The following SIPA1L2 variants were observed in gnomAD, a reference collection of about 807,000 sequenced individuals.
The protein encoded by SIPA1L2 is signal-induced proliferation-associated 1-like protein 2.
Under a neutral mutation model 163.9 loss-of-function variants are expected in SIPA1L2, and 56 were observed. That is an observed-to-expected ratio of 0.34 (90% CI 0.28 to 0.43). The LOEUF is 0.43. Among genes scored for constraint, SIPA1L2 ranks in the 20% least tolerant of loss-of-function variants. The probability of loss-of-function intolerance (pLI) is 1.00; values close to 1 mark genes in which losing one functional copy is unlikely to be tolerated. For synonymous variants in SIPA1L2, 877 were observed against 865.7 expected (o/e 1.01, Z -0.23); for missense variants, 1,974 against 2,193.5 (o/e 0.90, Z 2.00).
intron 1 of SIPA1L2, among the ~76,000 whole-genome samples, chr1:232,597,410 G>A (rs533136860): frequency 2.2e-4 from 33 of 151,944 alleles, no homozygotes; most frequent in African/African-American, 7.7e-4. Context: ...GGGCGCGGTG[G>A]CTCACACCTG....
rs185370532 is a variant in SIPA1L2, at chr1:232,541,934, A to T, written c.-269-26326T>A. ...ATGTTAAATCTTGGGCTGAGCCTTA[A>T]ATCTCTCTCTCTCTCTCTCTCTGTA... On this transcript the variant is annotated intron_variant, in intron 2 of 22. Coordinates refer to ENST00000674635, the MANE Select transcript of SIPA1L2 (RefSeq NM_020808.5). Among the ~76,000 whole-genome samples the T allele has an allele frequency of 6.4e-3, 581 of 90,672 alleles. 4 individuals are homozygous for T. Among genetic ancestry groups the T allele is most frequent in the African/African-American group, 0.028 (504 of 17,908 alleles). 59.5% of individuals were successfully genotyped at this position (90,672 alleles called of 152,430 possible). A position where few individuals can be genotyped will look rare whatever the true frequency, so the allele number is the denominator to read the frequency against.
chr1:232,480,109 G>A (rs57653635), intron 6 of SIPA1L2, among the ~76,000 whole-genome samples: 1,600 of 152,044 alleles, frequency 0.011, 31 homozygotes, highest in African/African-American at 0.037. Flanking sequence ...TCTGAAGGGC[G>A]TGACAAACTG....
intron 18 of SIPA1L2, among the ~76,000 whole-genome samples, chr1:232,418,174 C>A (rs1005090242): frequency 1.2e-4 from 19 of 152,082 alleles, no homozygotes; most frequent in Non-Finnish European, 2.8e-4. Context: ...GACCACTATA[C>A]AACAAGATCC....
At chr1:232,478,683 C>T (rs1665166255) in intron 7 of SIPA1L2, among the ~76,000 whole-genome samples, 1 of 152,118 alleles carries the variant, frequency 6.6e-6, no homozygotes, top group African/African-American at 2.4e-5. Flanking sequence ...TGAAAACAAA[C>T]TTTAACTCTG....
Position 232,566,482 on chromosome 1 carries a change from G to T in SIPA1L2, c.-270+7692C>A, listed in dbSNP as rs141764575. ...AAGCCCTGCTGGATTTCAGATTCAT[G>T]AACTAAGAGTGGTATTCGTCGCTTT... is the stretch of plus-strand genomic sequence containing the variant. On this transcript the variant is annotated intron_variant, in intron 2 of 22. Coordinates refer to ENST00000674635, the MANE Select transcript of SIPA1L2 (RefSeq NM_020808.5). Among the ~76,000 whole-genome samples, 380 of 152,348 alleles carry T rather than the reference G, an allele frequency of 2.5e-3. 3 individuals are homozygous for T. The highest frequency in any genetic ancestry group is 9.0e-3 in the African/African-American group (373 of 41,588).
intron 2 of SIPA1L2, among the ~76,000 whole-genome samples, chr1:232,569,486 G>A (rs1045499529): frequency 6.6e-6 from 1 of 152,084 alleles, no homozygotes; most frequent in Admixed American, 6.6e-5. Context: ...AACTTGGGCG[G>A]GACAATGAGA....
chr1:232,490,850 C>T (rs752615211), intron 5 of SIPA1L2, 24 bp downstream of exon 5: 11 of 1,571,180 alleles, frequency 7.0e-6, no homozygotes, highest in Non-Finnish European at 9.5e-6. Flanking sequence ...CACACACAAA[C>T]ATACAATCTC....
At chr1:232,505,466 A>G (rs1275295115) in intron 3 of SIPA1L2, among the ~76,000 whole-genome samples, 1 of 152,202 alleles carries the variant, frequency 6.6e-6, no homozygotes, top group African/African-American at 2.4e-5. Flanking sequence ...TCCTTTTCCC[A>G]GGGAAATAAT....
intron 7 of SIPA1L2, among the ~76,000 whole-genome samples, chr1:232,475,515 T>C (rs1665003637): frequency 6.6e-6 from 1 of 152,214 alleles, no homozygotes; most frequent in Non-Finnish European, 1.5e-5. Context: ...AAAGTTAATG[T>C]AGAAAAGCAT....
intron 1 of SIPA1L2, among the ~76,000 whole-genome samples, chr1:232,576,937 A>G (rs1660110179): frequency 6.6e-6 from 1 of 152,202 alleles, no homozygotes; most frequent in Admixed American, 6.5e-5. Context: ...AAAAGTCTGC[A>G]GGTAGCAGAG....
chr1:232,457,630 G>A (rs1378593867), intron 10 of SIPA1L2, among the ~76,000 whole-genome samples: 1 of 152,156 alleles, frequency 6.6e-6, no homozygotes, highest in African/African-American at 2.4e-5. Flanking sequence ...CCTGTTATGT[G>A]TTGCTATATG....
Position 232,483,896 on chromosome 1 carries a change from T to C in SIPA1L2, c.1877A>G (p.Asn626Ser). 6.2e-7 allele frequency: 1 copy of C among 1,614,118 alleles called. No individual in the cohort carries two copies. Among genetic ancestry groups the C allele is most frequent in the Non-Finnish European group, 8.5e-7 (1 of 1,179,964 alleles). The change falls in exon 6 of 23, where the codon AAC becomes AGC. Residue 626 changes from asparagine to serine, a missense_variant. Physicochemically the swap from Asn to Ser is conservative, Grantham distance 46. Coordinates refer to ENST00000674635, the MANE Select transcript of SIPA1L2 (RefSeq NM_020808.5). ...AAAAGCTGGTCCCGCCGTCTCATTG[T>C]TATACATCTCTTCCTCTGTGCTCTG... is the stretch of plus-strand genomic sequence containing the variant. The part of the protein sequence containing the change: ...AGQSTEEEMY[N>S]NETAGPAFEE...
chr1:232,408,690 AT>A (rs1558152287), intron 19 of SIPA1L2, among the ~76,000 whole-genome samples: 2 of 152,176 alleles, frequency 1.3e-5, no homozygotes, highest in African/African-American at 4.8e-5. Context: ...TTATATTCAC[AT>A]TCCTTGACCA....
intron 18 of SIPA1L2, among the ~76,000 whole-genome samples, chr1:232,425,036 G>A (rs1386088626): frequency 6.6e-6 from 1 of 152,174 alleles, no homozygotes; most frequent in East Asian, 1.9e-4. Flanking sequence ...CCTGTGACTA[G>A]TAAGTTGAAA....
chr1:232,460,088 G>C (rs1255575972), intron 10 of SIPA1L2, among the ~76,000 whole-genome samples: 1 of 152,140 alleles, frequency 6.6e-6, no homozygotes, highest in Non-Finnish European at 1.5e-5. Context: ...TGAAGATAGA[G>C]GGAAGGTGCT....
At chr1:232,582,917 A>G (rs1660457754) in intron 1 of SIPA1L2, among the ~76,000 whole-genome samples, 1 of 152,218 alleles carries the variant, frequency 6.6e-6, no homozygotes, top group Non-Finnish European at 1.5e-5. Context: ...AACAAGATAT[A>G]TAAGGAAGAC....
intron 1 of SIPA1L2, among the ~76,000 whole-genome samples, chr1:232,600,837 T>G (rs763301981): frequency 6.6e-6 from 1 of 152,144 alleles, no homozygotes. Flanking sequence ...TCAGGGCACA[T>G]AGGTGACAGC....
At chr1:232,542,589 A>C (rs1041379373) in intron 2 of SIPA1L2, among the ~76,000 whole-genome samples, 1 of 152,144 alleles carries the variant, frequency 6.6e-6, no homozygotes, top group South Asian at 2.1e-4. Context: ...CCACCCTAGC[A>C]ATCAGGGCCC....
intron 15 of SIPA1L2, among the ~76,000 whole-genome samples, chr1:232,437,649 CCCCAG>C (rs1283153672): frequency 6.6e-6 from 1 of 152,056 alleles, no homozygotes; most frequent in African/African-American, 2.4e-5. Flanking sequence ...AGGGACTGAC[CCCCAG>C]CCCAGGCTGA....
Sources: gnomAD v4.1 joint callset for allele counts (sites outside exome capture counted in the v4.1 genomes callset) on GRCh38, gnomAD v4.1.1 for gene constraint, MANE v1.5 for transcripts, NCBI Gene and HGNC (gene_info 2026-07-23, HGNC 2026-07-21) for gene names.